The following KCNMB2 variants were observed in gnomAD, a reference collection of about 807,000 sequenced individuals.
KCNMB2 encodes potassium calcium-activated channel subfamily M regulatory beta subunit 2.
In KCNMB2, 9 loss-of-function variants were observed where a neutral mutation model predicts 24.5. The observed-to-expected ratio is 0.37, with a 90% CI of 0.22 to 0.64. KCNMB2 has a LOEUF of 0.64. Among genes scored for constraint, KCNMB2 ranks in the 30% least tolerant of loss-of-function variants. The pLI is 0.63. For missense variants in KCNMB2, 226 were observed against 284.3 expected (o/e 0.79, Z 1.47); for synonymous variants, 109 against 104.4 (o/e 1.04, Z -0.27).
intron 1 of KCNMB2, among the ~76,000 whole-genome samples, chr3:178,554,585 T>G (rs1716063257): frequency 6.6e-6 from 1 of 152,194 alleles, no homozygotes; most frequent in Non-Finnish European, 1.5e-5. Flanking sequence ...TGCAAATTAA[T>G]TTAATTCAAT....
intron 1 of KCNMB2, among the ~76,000 whole-genome samples, chr3:178,726,527 T>A (rs1722972379): frequency 6.6e-6 from 1 of 151,828 alleles, no homozygotes; most frequent in African/African-American, 2.4e-5. Flanking sequence ...TTTACCTTCG[T>A]TCCTGAAGAA....
chr3:178,607,628 C>CGTGTGT (rs143508589), intron 1 of KCNMB2, among the ~76,000 whole-genome samples: 7 of 147,272 alleles, frequency 4.8e-5, no homozygotes, highest in African/African-American at 1.5e-4. Context: ...ATTGTGCATG[C>CGTGTGT]GTGTGTGTGT....
chr3:178,712,555 C>T (rs1175152901), intron 1 of KCNMB2, among the ~76,000 whole-genome samples: 2 of 152,172 alleles, frequency 1.3e-5, no homozygotes, highest in East Asian at 1.9e-4. Context: ...ACATTTATTA[C>T]ACGCACACTG....
chr3:178,549,309 C>A (rs202092087), intron 1 of KCNMB2, among the ~76,000 whole-genome samples: 5 of 136,880 alleles, frequency 3.7e-5, no homozygotes, highest in East Asian at 4.2e-4. Context: ...CTTTTATTTT[C>A]TTTTTTTTTT....
chr3:178,744,946 C>A (rs1237875819), intron 1 of KCNMB2, among the ~76,000 whole-genome samples: 4 of 152,096 alleles, frequency 2.6e-5, no homozygotes. Context: ...GCCATAAAGC[C>A]CCACTTCAAA....
chr3:178,669,187 A>G (rs919376262), intron 1 of KCNMB2, among the ~76,000 whole-genome samples: 9 of 152,178 alleles, frequency 5.9e-5, no homozygotes, highest in Non-Finnish European at 1.2e-4. Context: ...CCTCTCAAAC[A>G]TAAGTGAAGA....
intron 1 of KCNMB2, among the ~76,000 whole-genome samples, chr3:178,781,435 T>A (rs1053345993): frequency 1.3e-5 from 2 of 151,644 alleles, no homozygotes; most frequent in Non-Finnish European, 2.9e-5. Context: ...CTACTAAAAA[T>A]ACAAAAATCA....
At chr3:178,677,473 A>C (rs1721110054) in intron 1 of KCNMB2, among the ~76,000 whole-genome samples, 4 of 152,214 alleles carry the variant, frequency 2.6e-5, no homozygotes, top group Non-Finnish European at 5.9e-5. Context: ...AGCTCTCTTC[A>C]TCGTCAGCCC....
chr3:178,590,447 T>C (rs1338049047), intron 1 of KCNMB2, among the ~76,000 whole-genome samples: 1 of 152,238 alleles, frequency 6.6e-6, no homozygotes, highest in Non-Finnish European at 1.5e-5. Context: ...TATTTATGAC[T>C]TTAGTTTCTG....
intron 1 of KCNMB2, among the ~76,000 whole-genome samples, chr3:178,782,413 T>C (rs559480388): frequency 0.031 from 4,666 of 151,930 alleles, 256 homozygotes; most frequent in African/African-American, 0.11. Context: ...ACCAACAGTG[T>C]AAAAGTGTTC....
At chr3:178,759,692 A>ATC (rs1310703959) in intron 1 of KCNMB2, among the ~76,000 whole-genome samples, 1 of 108,968 alleles carries the variant, frequency 9.2e-6, no homozygotes, top group African/African-American at 3.1e-5. Context: ...AAGAGGATAT[A>ATC]TATACACATA....
intron 4 of KCNMB2, among the ~76,000 whole-genome samples, chr3:178,833,051 A>G (rs1715100469): frequency 1.4e-5 from 2 of 148,018 alleles, no homozygotes; most frequent in East Asian, 1.9e-4. Flanking sequence ...ATCTTTTCCA[A>G]AAATTATTTC....
At chr3:178,687,756 A>AT (rs1470934836) in intron 1 of KCNMB2, among the ~76,000 whole-genome samples, 1 of 152,054 alleles carries the variant, frequency 6.6e-6, no homozygotes, top group Non-Finnish European at 1.5e-5. Context: ...TACTTTCATT[A>AT]TTTTTTTTCT....
At chr3:178,674,328 G>A (rs1721001256) in intron 1 of KCNMB2, among the ~76,000 whole-genome samples, 2 of 151,938 alleles carry the variant, frequency 1.3e-5, no homozygotes. Flanking sequence ...CCACTTAGAT[G>A]TCATATATAT....
At chr3:178,715,059 G>A (rs761607953) in intron 1 of KCNMB2, among the ~76,000 whole-genome samples, 1 of 152,140 alleles carries the variant, frequency 6.6e-6, no homozygotes, top group Non-Finnish European at 1.5e-5. Flanking sequence ...GATTTTGAAG[G>A]TTCCAGCCTA....
chr3:178,780,173 A>G (rs995103025), intron 1 of KCNMB2, among the ~76,000 whole-genome samples: 9 of 151,828 alleles, frequency 5.9e-5, no homozygotes, highest in Non-Finnish European at 1.0e-4. Context: ...TTCCATCTTC[A>G]AGTTGGTCCC....
chr3:178,659,876 A>G (rs550397680), intron 1 of KCNMB2, among the ~76,000 whole-genome samples: 1 of 152,278 alleles, frequency 6.6e-6, no homozygotes, highest in East Asian at 1.9e-4. Flanking sequence ...CTGCAGTCTA[A>G]GCCCCACACA....
intron 1 of KCNMB2, among the ~76,000 whole-genome samples, chr3:178,716,694 C>T (rs1307327004): frequency 1.3e-5 from 2 of 152,112 alleles, no homozygotes; most frequent in Admixed American, 6.6e-5. Context: ...TTGCCCACTT[C>T]GGCCTCTCAA....
intron 1 of KCNMB2, among the ~76,000 whole-genome samples, chr3:178,806,166 C>A (rs1713959331): frequency 6.6e-6 from 1 of 152,124 alleles, no homozygotes; most frequent in African/African-American, 2.4e-5. Flanking sequence ...CATTTAAAAA[C>A]TAAAAGAATG....
Sources: gnomAD v4.1 joint callset for allele counts (sites outside exome capture counted in the v4.1 genomes callset) on GRCh38, gnomAD v4.1.1 for gene constraint, MANE v1.5 for transcripts, NCBI Gene and HGNC (gene_info 2026-07-23, HGNC 2026-07-21) for gene names.